The following ANKRD24 variants were observed in gnomAD, a reference collection of about 807,000 sequenced individuals.
ANKRD24 encodes ankyrin repeat domain 24.
A neutral mutation model predicts 127.8 loss-of-function variants in ANKRD24; 109 were observed. The ratio of observed to expected loss-of-function variants is 0.85; its 90% CI spans 0.73 to 1.00. The LOEUF (loss-of-function observed/expected upper bound fraction) is 1.00. Among genes scored for constraint, ANKRD24 ranks in the 50% least tolerant of loss-of-function variants. ANKRD24 has a pLI of 0.00. For missense variants in ANKRD24, 1,648 were observed against 1,570.2 expected, an observed-to-expected ratio of 1.05 and a Z score of -0.84; for synonymous variants, 743 against 671.1, an observed-to-expected ratio of 1.11 and a Z score of -1.66.
intron 19 of ANKRD24, 92 bp downstream of exon 19, chr19:4,219,850 G>T: frequency 7.3e-7 from 1 of 1,368,054 alleles, no homozygotes; most frequent in Admixed American, 2.8e-5. Flanking sequence ...CAAGGGCCTT[G>T]GAAAATCAAC....
rs1439225289 is a variant in ANKRD24 at position 4,210,299 on chromosome 19, T to C, written c.986T>C (p.Leu329Pro). 3.1e-6 allele frequency: 5 copies of C among 1,588,122 alleles called. No homozygotes were observed. Residue 329 changes from leucine (L) to proline (P), a missense_variant, in exon 13 of 22, where the codon CTG becomes CCG. Transcript: ENST00000318934. ...GATGCCTATGAGGAGATCGTGAGGC[T>C]GCGGCAGGAGAGGGGCCGCCTCCTG... is the stretch of plus-strand genomic sequence containing the variant. ...DRDAYEEIVR[L>P]RQERGRLLQK... is the part of the protein sequence containing the mutation.
intron 11 of ANKRD24, 61 bp downstream of exon 11, chr19:4,208,862 T>C (rs1969539763): frequency 1.3e-6 from 2 of 1,538,494 alleles, no homozygotes; most frequent in Admixed American, 3.6e-5. Context: ...ACTTCTCCCC[T>C]GCCCCAAGCT....
chr19:4,210,407 C>A, intron 13 of ANKRD24, 35 bp downstream of exon 13: 1 of 1,492,838 alleles, frequency 6.7e-7, no homozygotes, highest in South Asian at 1.3e-5. Flanking sequence ...CGTGGGCCAG[C>A]CTGGGTGGGG....
chr19:4,198,310 G>C lies in ANKRD24; in HGVS notation c.37-1373G>C, dbSNP rs1420747313. 2.4e-6 allele frequency: 1 copy of C among 421,290 alleles called. No homozygotes were observed. Among genetic ancestry groups the C allele is most frequent in the African/African-American group, 2.1e-5 (1 of 48,382 alleles). 26.1% of individuals were successfully genotyped at this position (421,290 alleles called of 1,614,324 possible). A position where few individuals can be genotyped will look rare whatever the true frequency, so the allele number is the denominator to read the frequency against. Reference sequence around the variant, plus strand: ...TTCCATCCCGTGGGGGAGGGGGCTGGCGAGGAGGGCAAGGGGGAGGGGGCG... The same window carrying C: ...TTCCATCCCGTGGGGGAGGGGGCTGCCGAGGAGGGCAAGGGGGAGGGGGCG... On this transcript the variant is annotated intron_variant, in intron 2 of 21. Coordinates refer to ENST00000318934, the MANE Select transcript of ANKRD24 (RefSeq NM_001393985.1). This position sits in a 1 kb window ranked among gnomAD's most constrained non-coding sequence, Gnocchi z 6.1.
chr19:4,203,629 G>A (rs184262435), intron 7 of ANKRD24, among the ~76,000 whole-genome samples: 5 of 152,170 alleles, frequency 3.3e-5, no homozygotes, highest in Admixed American at 1.3e-4. Flanking sequence ...AATTACAGGC[G>A]TGAGCCACCT....
intron 19 of ANKRD24, among the ~76,000 whole-genome samples, chr19:4,220,241 G>A (rs947387536): frequency 6.6e-6 from 1 of 152,196 alleles, no homozygotes; most frequent in Non-Finnish European, 1.5e-5. Flanking sequence ...CAAAAGGGCT[G>A]GGGTTACAGG....
intron 2 of ANKRD24, among the ~76,000 whole-genome samples, chr19:4,197,882 CGAATGAACGAGTGAGTGAAT>C (rs1335529066): frequency 1.3e-5 from 2 of 151,508 alleles, no homozygotes; most frequent in Admixed American, 6.6e-5. Context: ...AGTGGGTGAA[CGAATGAACGAGTGAGTGAAT>C]GAATGAACGA....
At chr19:4,204,199 T>C (rs551930132) in intron 7 of ANKRD24, among the ~76,000 whole-genome samples, 4 of 142,454 alleles carry the variant, frequency 2.8e-5, no homozygotes, top group Non-Finnish European at 6.1e-5. Flanking sequence ...TCTCCTGACC[T>C]CGTGATCCGC....
rs1970188743 is a variant in ANKRD24 at position 4,217,657 on chromosome 19, C to T, written c.2497C>T (p.Arg833Trp). The T allele has an allele frequency of 3.1e-6, 4 of 1,282,180 alleles. No individual in the cohort carries two copies. Among genetic ancestry groups the T allele is most frequent in the Non-Finnish European group, 2.0e-6 (2 of 1,018,046 alleles). 79.4% of individuals were successfully genotyped at this position (1,282,180 alleles called of 1,614,324 possible). Reference sequence around the variant, plus strand: ...GGCGGAGGAGGAGGCGCGGGGCCTGCGGGCCGAGCTGGCCCAGCGGGAGGA... The same window carrying T: ...GGCGGAGGAGGAGGCGCGGGGCCTGTGGGCCGAGCTGGCCCAGCGGGAGGA... ...LLAEEEARGL[R>W]AELAQREEAR... Residue 833 changes from arginine (R) to tryptophan (W), a missense_variant, in exon 18 of 22, where the codon CGG (arginine) becomes TGG (tryptophan). Physicochemically the swap from Arg to Trp is moderately radical, Grantham distance 101 (BLOSUM62 -3). Coordinates refer to ENST00000318934, the MANE Select transcript of ANKRD24 (RefSeq NM_001393985.1).
intron 11 of ANKRD24, among the ~76,000 whole-genome samples, chr19:4,209,383 C>A (rs942262297): frequency 1.3e-5 from 2 of 151,510 alleles, no homozygotes; most frequent in African/African-American, 4.8e-5. Flanking sequence ...GCTGGGATTA[C>A]AGGCATGAGC....
Position 4,207,952 on chromosome 19 carries a change from C to G in ANKRD24, c.816C>G (p.Arg272=), listed in dbSNP as rs766287233. The change falls in exon 10 of 22, where the codon CGC becomes CGG. Residue 272 remains arginine (R), a synonymous_variant. Coordinates refer to ENST00000318934, the MANE Select transcript of ANKRD24 (RefSeq NM_001393985.1). ...ILHLLQEAAQ[R]PSPPSALTED... is the part of the protein sequence containing the mutation. ...ACCTTCTGCAAGAGGCGGCCCAGCG[C>G]CCCTCCCCACCCAGCGGTATGCAAG... 6.0e-6 allele frequency: 9 copies of G among 1,508,362 alleles called. No homozygotes were observed. The highest frequency in any genetic ancestry group is 8.0e-6 in the Non-Finnish European group (9 of 1,131,076). The allele number at this position is 1,508,362 out of a possible 1,614,324, so 93.4% of individuals were successfully genotyped here.
chr19:4,188,633 C>G (rs946896402), intron 2 of ANKRD24, among the ~76,000 whole-genome samples: 4 of 152,008 alleles, frequency 2.6e-5, no homozygotes, highest in African/African-American at 9.7e-5. Context: ...CCTCCTAACT[C>G]CCACCCAGAG....
chr19:4,220,179 G>A (rs886175347), intron 19 of ANKRD24, among the ~76,000 whole-genome samples: 3 of 152,034 alleles, frequency 2.0e-5, no homozygotes, highest in Non-Finnish European at 4.4e-5. Context: ...CGTCACGTTG[G>A]CCAGGCTGGT....
intron 19 of ANKRD24, 141 bp from the exon 20 acceptor site, chr19:4,222,529 C>G: frequency 1.0e-6 from 1 of 990,738 alleles, no homozygotes; most frequent in Non-Finnish European, 1.4e-6. Flanking sequence ...AGACGTGGCC[C>G]TCAGGCCAGA....
intron 2 of ANKRD24, among the ~76,000 whole-genome samples, chr19:4,192,066 G>A (rs1968417767): frequency 6.6e-6 from 1 of 151,974 alleles, no homozygotes; most frequent in Non-Finnish European, 1.5e-5. Flanking sequence ...TGGGATTACA[G>A]GCGAGAGCCA....
Position 4,200,098 on chromosome 19 carries a change from C to A in ANKRD24, c.270C>A (p.Ala90=). 1 of 1,598,510 alleles carries A rather than the reference C, an allele frequency of 6.3e-7. No individual in the cohort carries two copies. The highest frequency in any genetic ancestry group is 8.5e-7 in the Non-Finnish European group (1 of 1,172,698). Reference sequence around the variant, plus strand: ...TCACCTCCAGGTTCCACCTGGCGGCCATGCGGGGTGCGGCCAGCTGTCTGG... The same window carrying A: ...TCACCTCCAGGTTCCACCTGGCGGCAATGCGGGGTGCGGCCAGCTGTCTGG... ...PEGKSAFHLA[A]MRGAASCLEV... is the part of the protein sequence containing the mutation. Residue 90 remains alanine (A), a synonymous_variant, in exon 5 of 22, where the codon GCC becomes GCA. Transcript: ENST00000318934.
chr19:4,193,244 G>A (rs1177543279), intron 2 of ANKRD24, among the ~76,000 whole-genome samples: 4 of 140,826 alleles, frequency 2.8e-5, no homozygotes, highest in Non-Finnish European at 6.0e-5. Flanking sequence ...AGGGGTTGCA[G>A]TGAGCCGAGA....
Position 4,207,519 on chromosome 19 carries a change from A to G in ANKRD24, c.556A>G (p.Ile186Val), listed in dbSNP as rs757375399. 1.2e-6 allele frequency: 2 copies of G among 1,613,860 alleles called. No individual in the cohort carries two copies. Among genetic ancestry groups the G allele is most frequent in the Non-Finnish European group, 8.5e-7 (1 of 1,179,854 alleles). ...CTACCAGTCAGGCGCAACACCCCTC[A>G]TTATAGCAGCTCAGATGTGTCACAC... ...PQDRSGATPL[I>V]IAAQMCHTDL... The change falls in exon 9 of 22, where the codon ATT becomes GTT. Residue 186 changes from isoleucine to valine, a missense_variant. Transcript: ENST00000318934.
At chr19:4,214,847 C>T (rs1276753688) in intron 15 of ANKRD24, among the ~76,000 whole-genome samples, 1 of 152,054 alleles carries the variant, frequency 6.6e-6, no homozygotes, top group Admixed American at 6.6e-5. Context: ...GAGCGAGACT[C>T]TCTCAAAACA....
Sources: allele counts gnomAD v4.1 joint callset (sites outside exome capture counted in the v4.1 genomes callset), GRCh38; gene constraint gnomAD v4.1.1; non-coding constraint Gnocchi (gnomAD v3.1); transcripts MANE v1.5; gene names NCBI Gene and HGNC (gene_info 2026-07-23, HGNC 2026-07-21).